The following CLDN14 variants were observed in gnomAD, a reference collection of about 807,000 sequenced individuals.
The protein encoded by CLDN14 is claudin-14.
Under a neutral mutation model 2.1 loss-of-function variants are expected in CLDN14, and 2 were observed. That is an observed-to-expected ratio of 0.96 (90% CI 0.39 to 3.01). The LOEUF is 3.01. Ranked by LOEUF, CLDN14 falls within the 30% of genes most tolerant of loss-of-function variation. The pLI is 0.09. For synonymous variants in CLDN14, 136 were observed against 154.4 expected, an observed-to-expected ratio of 0.88 and a Z score of 0.88; for missense variants, 298 against 328.0, an observed-to-expected ratio of 0.91 and a Z score of 0.71.
upstream of CLDN14, chr21:36,481,134 C>G (rs2086841473): frequency 6.6e-6 from 1 of 152,164 alleles, no homozygotes; most frequent in Non-Finnish European, 1.5e-5. Context: ...GATCCTCTAT[C>G]CTTAGAGGTT....
intron 2 of CLDN14, chr21:36,486,785 G>T: frequency 1.3e-6 from 1 of 787,180 alleles, no homozygotes; most frequent in Non-Finnish European, 2.2e-6. Context: ...TGCGTCTTGT[G>T]ATTCTTGCCC....
At chr21:36,566,905 C>G (rs986232520) in intron 1 of CLDN14, among the ~76,000 whole-genome samples, 1 of 152,176 alleles carries the variant, frequency 6.6e-6, no homozygotes, top group Non-Finnish European at 1.5e-5. Flanking sequence ...GGAAGACATC[C>G]GTCTGCCATC....
chr21:36,505,598 T>C (rs2087125848), intron 2 of CLDN14, among the ~76,000 whole-genome samples: 1 of 152,194 alleles, frequency 6.6e-6, no homozygotes, highest in South Asian at 2.1e-4. Context: ...CTAACATTTC[T>C]GCAAAGGCTC....
chr21:36,514,292 C>T (rs925113700), intron 1 of CLDN14, among the ~76,000 whole-genome samples: 3 of 152,160 alleles, frequency 2.0e-5, no homozygotes, highest in Non-Finnish European at 4.4e-5. Context: ...TATTAGCAGC[C>T]TCATGGGAGC....
At chr21:36,568,445 G>A (rs1051996353) in intron 1 of CLDN14, among the ~76,000 whole-genome samples, 2 of 152,230 alleles carry the variant, frequency 1.3e-5, no homozygotes, top group African/African-American at 4.8e-5. Context: ...TCTTCTATGG[G>A]CAGTCTTTGC....
intron 1 of CLDN14, among the ~76,000 whole-genome samples, chr21:36,511,614 G>C (rs147481384): frequency 2.6e-5 from 4 of 152,136 alleles, no homozygotes; most frequent in African/African-American, 9.6e-5. Context: ...AGTCCTCCCT[G>C]CTGCAGGGAG....
At chr21:36,545,056 G>T (rs530319933) in intron 1 of CLDN14, among the ~76,000 whole-genome samples, 2 of 152,298 alleles carry the variant, frequency 1.3e-5, no homozygotes, top group East Asian at 3.9e-4. Context: ...TCCTACCAAT[G>T]CAGGTGGCCA....
chr21:36,467,541 A>G (rs2086661804), intron 1 of CLDN14, among the ~76,000 whole-genome samples: 1 of 151,658 alleles, frequency 6.6e-6, no homozygotes, highest in African/African-American at 2.4e-5. Flanking sequence ...AGGCCACCCT[A>G]TCTCACCATT....
chr21:36,535,732 G>A (rs905092659), intron 1 of CLDN14, among the ~76,000 whole-genome samples: 3 of 152,138 alleles, frequency 2.0e-5, no homozygotes, highest in African/African-American at 7.2e-5. Context: ...AGATCATGGG[G>A]AATTTTTTCT....
At chr21:36,494,162 G>A (rs923874015) in intron 2 of CLDN14, among the ~76,000 whole-genome samples, 2 of 152,206 alleles carry the variant, frequency 1.3e-5, no homozygotes, top group Admixed American at 1.3e-4. Context: ...CACAGACCGG[G>A]AGACCATCTT....
At chr21:36,488,687 G>A (rs2086926256) in intron 2 of CLDN14, among the ~76,000 whole-genome samples, 1 of 152,162 alleles carries the variant, frequency 6.6e-6, no homozygotes, top group Non-Finnish European at 1.5e-5. Context: ...AATGGGTACA[G>A]ACTTTCAGTC....
intron 1 of CLDN14, among the ~76,000 whole-genome samples, chr21:36,478,545 C>T (rs1275107875): frequency 6.6e-6 from 1 of 152,220 alleles, no homozygotes; most frequent in Non-Finnish European, 1.5e-5. Context: ...AGCCCGTCCC[C>T]AACTCCAGTG....
chr21:36,507,454 G>C (rs913036589), intron 2 of CLDN14, among the ~76,000 whole-genome samples: 2 of 152,032 alleles, frequency 1.3e-5, no homozygotes, highest in African/African-American at 4.8e-5. Flanking sequence ...AAGGAAATTG[G>C]GTTTGGTTAC....
At chr21:36,478,192 C>T (rs914849061) in intron 1 of CLDN14, among the ~76,000 whole-genome samples, 10 of 152,280 alleles carry the variant, frequency 6.6e-5, no homozygotes, top group Admixed American at 5.2e-4. Flanking sequence ...GAAGAATCTA[C>T]GTGTCTTCCT....
upstream of CLDN14, chr21:36,480,924 C>T (rs1443102377): frequency 6.6e-6 from 1 of 152,124 alleles, no homozygotes; most frequent in Non-Finnish European, 1.5e-5. Flanking sequence ...CCCTTGTGTC[C>T]CTGGCAATGG....
intron 1 of CLDN14, among the ~76,000 whole-genome samples, chr21:36,538,176 T>C (rs374857471): frequency 5.3e-5 from 8 of 152,334 alleles, no homozygotes; most frequent in African/African-American, 1.2e-4. Context: ...CCAACACTTA[T>C]AGATCAACCA....
intron 2 of CLDN14, among the ~76,000 whole-genome samples, chr21:36,493,182 C>T (rs2086985868): frequency 6.6e-6 from 1 of 152,112 alleles, no homozygotes; most frequent in African/African-American, 2.4e-5. Flanking sequence ...AAAAGGGCAG[C>T]CTCCTGGAGA....
At chr21:36,564,649 G>A (rs2087659868) in intron 1 of CLDN14, among the ~76,000 whole-genome samples, 1 of 152,162 alleles carries the variant, frequency 6.6e-6, no homozygotes, top group South Asian at 2.1e-4. Flanking sequence ...CACCAAAGAC[G>A]CCCATGCCCT....
chr21:36,486,366 G>T (rs769652424), intron 2 of CLDN14: 111 of 897,780 alleles, frequency 1.2e-4, no homozygotes, highest in Non-Finnish European at 3.0e-5. Flanking sequence ...AGCAATCCTG[G>T]CCTCAGCAGC....
Sources: allele counts gnomAD v4.1 joint callset (sites outside exome capture counted in the v4.1 genomes callset), GRCh38; gene constraint gnomAD v4.1.1; transcripts MANE v1.5; gene names NCBI Gene and HGNC (gene_info 2026-07-23, HGNC 2026-07-21).